Variants in ANK2 observed in about 807,000 individuals in gnomAD.
ANK2 encodes ankyrin-2.
In ANK2, 83 loss-of-function variants were observed where a neutral mutation model predicts 360.5. The ratio of observed to expected loss-of-function variants is 0.23; its 90% CI spans 0.19 to 0.28. The LOEUF (loss-of-function observed/expected upper bound fraction) is 0.28. Ranked by LOEUF, ANK2 falls within the 10% of genes least tolerant of loss-of-function variation. The pLI, the probability that ANK2 is intolerant of heterozygous loss-of-function variation, is 1.00. For missense variants in ANK2, 4,201 were observed against 4,795.7 expected, an observed-to-expected ratio of 0.88 and a Z score of 3.66; for synonymous variants, 1,740 against 1,759.5, an observed-to-expected ratio of 0.99 and a Z score of 0.28.
intron 13 of ANK2, among the ~76,000 whole-genome samples, chr4:113,261,624 G>A (rs1323118398): frequency 1.3e-5 from 2 of 152,084 alleles, no homozygotes; most frequent in African/African-American, 4.8e-5. Context: ...GCAACTTACA[G>A]TAGAAGTCCA....
intron 26 of ANK2, among the ~76,000 whole-genome samples, chr4:113,320,655 C>CAA (rs142477788): frequency 1.9e-4 from 28 of 150,784 alleles, no homozygotes; most frequent in African/African-American, 5.8e-4. Flanking sequence ...ACTCCATCTC[C>CAA]AAAAAAAACA....
At chr4:113,323,944 G>T in intron 26 of ANK2, 1 of 623,640 alleles carries the variant, frequency 1.6e-6, no homozygotes, top group East Asian at 3.1e-5. Context: ...CCAAATTGTG[G>T]CTATTGCTGA....
At chr4:112,725,693 C>G in the ANK2 span, among the ~76,000 whole-genome samples, 1 of 152,020 alleles carries the variant, frequency 6.6e-6, no homozygotes, top group Non-Finnish European at 1.5e-5. Context: ...AAGCCAACCA[C>G]GATTCCAAAT....
intron 1 of ANK2, among the ~76,000 whole-genome samples, chr4:113,094,282 G>T (rs76909601): frequency 1.2e-3 from 176 of 152,252 alleles, no homozygotes; most frequent in East Asian, 4.0e-3. Flanking sequence ...AAAAACTGAG[G>T]AGTGCTGTTA....
At chr4:113,047,177 A>G (rs533092183), upstream of ANK2, among the ~76,000 whole-genome samples, 8 of 152,306 alleles carry the variant, frequency 5.3e-5, no homozygotes, top group Non-Finnish European at 1.2e-4. Flanking sequence ...TTTGCCTAGA[A>G]TATTCTTCCT....
In ANK2 at chr4:113,318,569, G is replaced by C; in HGVS notation, c.2849G>C (p.Gly950Ala). Residue 950 changes from glycine (G) to alanine (A), a missense_variant, in exon 26 of 46, where the codon GGC (glycine) becomes GCC (alanine). Transcript: ENST00000357077. ...AGGAATTCTTATCGCCTAAGCTGGG[G>C]CACTGAGAACTTAGACAACGTGGCT... ...AERNSYRLSW[G>A]TENLDNVALS... 6.2e-7 allele frequency: 1 copy of C among 1,613,818 alleles called. No individual in the cohort carries two copies. The highest frequency in any genetic ancestry group is 8.5e-7 in the Non-Finnish European group (1 of 1,179,846).
chr4:113,325,182 TG>T (rs2089083994), intron 26 of ANK2, among the ~76,000 whole-genome samples: 1 of 152,222 alleles, frequency 6.6e-6, no homozygotes, highest in Non-Finnish European at 1.5e-5. Context: ...ATTTTTTGTA[TG>T]TACAGTCTTA....
At chr4:113,351,013 C>T (rs1389776346) in intron 37 of ANK2, among the ~76,000 whole-genome samples, 1 of 152,002 alleles carries the variant, frequency 6.6e-6, no homozygotes, top group African/African-American at 2.4e-5. Flanking sequence ...AAAGAGCTAT[C>T]TTAGAACTCA....
chr4:113,169,540 G>A (rs992762558), intron 1 of ANK2, among the ~76,000 whole-genome samples: 1 of 152,148 alleles, frequency 6.6e-6, no homozygotes. Flanking sequence ...TGTGCTTTAC[G>A]TAAGGTTAGC....
chr4:112,831,357 T>G (rs2059690902), intron 1 of ANK2, among the ~76,000 whole-genome samples: 1 of 152,194 alleles, frequency 6.6e-6, no homozygotes, highest in Non-Finnish European at 1.5e-5. Context: ...GCTCAAGGTT[T>G]GTAAACGCAC....
chr4:113,296,547 C>T (rs1053131028), intron 22 of ANK2, among the ~76,000 whole-genome samples: 4 of 152,060 alleles, frequency 2.6e-5, no homozygotes, highest in Admixed American at 1.3e-4. Context: ...TGAATAAAGT[C>T]GTTGTGTAGA....
the ANK2 span, among the ~76,000 whole-genome samples, chr4:112,784,618 C>T: frequency 1.3e-5 from 2 of 152,188 alleles, no homozygotes; most frequent in Non-Finnish European, 2.9e-5. Context: ...GCTGGGATTA[C>T]AAGCGTGAGC....
At chr4:112,898,893 G>A (rs529377016) in intron 1 of ANK2, among the ~76,000 whole-genome samples, 1 of 152,284 alleles carries the variant, frequency 6.6e-6, no homozygotes, top group East Asian at 1.9e-4. Flanking sequence ...TCAGCTCCAT[G>A]AAGAAATTGC....
chr4:112,772,540 G>A, the ANK2 span, among the ~76,000 whole-genome samples: 2 of 151,830 alleles, frequency 1.3e-5, no homozygotes, highest in African/African-American at 4.8e-5. Flanking sequence ...GACTCACCTG[G>A]GACACATGTG....
intron 26 of ANK2, among the ~76,000 whole-genome samples, chr4:113,320,232 T>G (rs1466818767): frequency 1.3e-5 from 2 of 152,228 alleles, no homozygotes; most frequent in Non-Finnish European, 2.9e-5. Flanking sequence ...AATTATGTGT[T>G]AAGATAAAGA....
chr4:113,062,059 G>GT (rs1445575380), intron 1 of ANK2, among the ~76,000 whole-genome samples: 1 of 152,008 alleles, frequency 6.6e-6, no homozygotes, highest in Non-Finnish European at 1.5e-5. Context: ...GCCATAGAAA[G>GT]TTTTTTATTA....
At position 113,288,474 on chromosome 4, in the gene ANK2, C is replaced by G; in HGVS notation, c.2265C>G (p.Asn755Lys). 1 of 1,613,384 alleles carries G rather than the reference C, an allele frequency of 6.2e-7. No homozygotes were observed. Among genetic ancestry groups the G allele is most frequent in the East Asian group, 2.2e-5 (1 of 44,858 alleles). ...NFLLKQGANV[N>K]AKTKNGYTPL... ...TTCTGAAGCAGGGAGCAAATGTTAACGCAAAAACCAAGGTAAAGTACTTGT... is the reference window on the plus strand; with the variant it reads ...TTCTGAAGCAGGGAGCAAATGTTAAGGCAAAAACCAAGGTAAAGTACTTGT... Residue 755 changes from asparagine (N) to lysine (K), a missense_variant, in exon 20 of 46, where the codon AAC becomes AAG. Asn to Lys is a moderately conservative substitution (Grantham distance 94). Transcript: ENST00000357077.
intron 9 of ANK2, among the ~76,000 whole-genome samples, chr4:113,248,115 GT>G (rs973449173): frequency 1.3e-5 from 2 of 152,122 alleles, no homozygotes; most frequent in African/African-American, 4.8e-5. Context: ...ATCTGTTTTG[GT>G]TATTCAATAT....
Position 113,317,826 on chromosome 4 carries a change from C to T in ANK2, c.2796+17C>T, listed in dbSNP as rs201815173. ...AGTCACCAGGTATGTGACATTTTGC[C>T]TTCATGTCTTTGCTTTCTGGAGAGC... On this transcript the variant is annotated intron_variant, in intron 25 of 45. Transcript: ENST00000357077. The T allele has an allele frequency of 1.4e-5, 23 of 1,598,730 alleles. No individual in the cohort carries two copies. The Admixed American group carries it at 2.7e-4, about 19-fold the overall frequency.
Sources: gnomAD v4.1 joint callset for allele counts (sites outside exome capture counted in the v4.1 genomes callset) on GRCh38, gnomAD v4.1.1 for gene constraint, MANE v1.5 for transcripts, NCBI Gene and HGNC (gene_info 2026-07-23, HGNC 2026-07-21) for gene names.